Variants in MAMDC2 observed in about 807,000 individuals in gnomAD.
The protein encoded by MAMDC2 is MAM domain-containing protein 2.
MAMDC2 carries 57 observed loss-of-function variants against 89.8 expected under a neutral mutation model. The ratio of observed to expected loss-of-function variants is 0.63; its 90% CI spans 0.51 to 0.79. MAMDC2 has a LOEUF of 0.79. Ranked by LOEUF, MAMDC2 falls within the 30% of genes least tolerant of loss-of-function variation. The probability of loss-of-function intolerance (pLI) is 0.00; values close to 1 mark genes in which losing one functional copy is unlikely to be tolerated. For missense variants in MAMDC2, 800 were observed against 820.6 expected, an observed-to-expected ratio of 0.97 and a Z score of 0.31; for synonymous variants, 313 against 293.4, an observed-to-expected ratio of 1.07 and a Z score of -0.68.
At chr9:70,221,408 G>GAGAGAGAGAGAGAGAGAGAGAGAGAGAGA (rs2033563067) in intron 12 of MAMDC2, among the ~76,000 whole-genome samples, 1 of 110,922 alleles carries the variant, frequency 9.0e-6, no homozygotes, top group East Asian at 2.5e-4. Flanking sequence ...GAGAGAGAGA[G>GAGAGAGAGAGAGAGAGAGAGAGAGAGAGA]TAACATCAGA....
At chr9:70,103,986 TA>T (rs111553707) in intron 2 of MAMDC2, among the ~76,000 whole-genome samples, 9,793 of 140,944 alleles carry the variant, frequency 0.069, 932 homozygotes, top group African/African-American at 0.22. Flanking sequence ...CGTCTCCATT[TA>T]AAAAAAAAAA....
Position 70,086,302 on chromosome 9 carries a change from A to G in MAMDC2, c.149-21909A>G, listed in dbSNP as rs929230856. On this transcript the variant is annotated intron_variant, in intron 2 of 13. Coordinates refer to ENST00000377182, the MANE Select transcript of MAMDC2 (RefSeq NM_153267.5). ...ATCCTCCCATCCGATTTCCACTACA[A>G]TGTGTATGTTGTCTTTATAAAGAAA... 3.0e-4 allele frequency: 45 copies of G among 152,236 alleles called. 1 individual carries two copies. Among genetic ancestry groups the G allele is most frequent in the African/African-American group, 1.1e-3 (45 of 41,566 alleles). The allele number at this position is 152,236 out of a possible 1,614,324, so 9.4% of individuals were successfully genotyped here.
intron 13 of MAMDC2, 62 bp from the exon 14 acceptor site, chr9:70,225,906 T>A: frequency 6.8e-7 from 1 of 1,464,514 alleles, no homozygotes; most frequent in Non-Finnish European, 9.4e-7. Context: ...ACTACAAGAA[T>A]ACAAATTAAA....
chr9:70,054,398 T>C (rs950872881), intron 2 of MAMDC2, among the ~76,000 whole-genome samples: 24 of 151,740 alleles, frequency 1.6e-4, no homozygotes, highest in Admixed American at 1.5e-3. Flanking sequence ...AAGTGGAAGA[T>C]TGTAGAAGCA....
chr9:70,054,721 G>A (rs576539788), intron 2 of MAMDC2, among the ~76,000 whole-genome samples: 2 of 152,192 alleles, frequency 1.3e-5, no homozygotes, highest in East Asian at 3.9e-4. Context: ...GTTCCACTTT[G>A]ATGATTCAGA....
At chr9:70,150,195 T>C (rs2031540781) in intron 9 of MAMDC2, among the ~76,000 whole-genome samples, 1 of 152,242 alleles carries the variant, frequency 6.6e-6, no homozygotes, top group African/African-American at 2.4e-5. Context: ...ATGTGGTTTC[T>C]GTCCACAGAG....
At chr9:70,066,061 T>A (rs955495983) in intron 2 of MAMDC2, among the ~76,000 whole-genome samples, 2 of 152,178 alleles carry the variant, frequency 1.3e-5, no homozygotes, top group Admixed American at 1.3e-4. Context: ...AACATGACAT[T>A]CACAAACACA....
chr9:70,216,013 T>C (rs1027354930), intron 11 of MAMDC2, among the ~76,000 whole-genome samples: 1 of 152,228 alleles, frequency 6.6e-6, no homozygotes, highest in Admixed American at 6.5e-5. Flanking sequence ...TCGATTGCCA[T>C]ATTTTTGGAA....
chr9:70,200,890 G>A (rs1452401511), intron 11 of MAMDC2, among the ~76,000 whole-genome samples: 1 of 119,824 alleles, frequency 8.3e-6, no homozygotes, highest in African/African-American at 3.3e-5. Flanking sequence ...TGTGATTTTT[G>A]TACATTGATT....
intron 9 of MAMDC2, among the ~76,000 whole-genome samples, chr9:70,145,203 A>G (rs2031362099): frequency 6.6e-6 from 1 of 152,188 alleles, no homozygotes; most frequent in Admixed American, 6.5e-5. Flanking sequence ...AGTATTCCTT[A>G]CGTGATTTTA....
At chr9:70,135,097 A>C (rs2030954920) in intron 7 of MAMDC2, among the ~76,000 whole-genome samples, 1 of 152,216 alleles carries the variant, frequency 6.6e-6, no homozygotes, top group African/African-American at 2.4e-5. Flanking sequence ...TTATCTTCAA[A>C]GCTTCTCATT....
chr9:70,066,047 G>A (rs1827254859), intron 2 of MAMDC2, among the ~76,000 whole-genome samples: 1 of 152,160 alleles, frequency 6.6e-6, no homozygotes, highest in African/African-American at 2.4e-5. Context: ...TTCTGGTAAG[G>A]GGAAACATGA....
intron 11 of MAMDC2, chr9:70,175,985 TAC>T (rs1376920268): frequency 3.9e-5 from 6 of 152,316 alleles, no homozygotes; most frequent in Non-Finnish European, 8.8e-5. Context: ...TATCTCCAAA[TAC>T]AGTCACATTC....
chr9:70,190,062 G>T (rs951056699), intron 11 of MAMDC2, among the ~76,000 whole-genome samples: 2 of 152,056 alleles, frequency 1.3e-5, no homozygotes, highest in African/African-American at 4.8e-5. Flanking sequence ...TAAAGTCTTT[G>T]TATAGTAAGT....
intron 4 of MAMDC2, 108 bp downstream of exon 4, chr9:70,109,912 C>T (rs1828461291): frequency 1.2e-6 from 1 of 857,122 alleles, no homozygotes; most frequent in Non-Finnish European, 2.0e-6. Flanking sequence ...TTATAGAATG[C>T]ACTGCATAAT....
At chr9:70,192,821 A>C (rs2032908108) in intron 11 of MAMDC2, among the ~76,000 whole-genome samples, 1 of 152,142 alleles carries the variant, frequency 6.6e-6, no homozygotes, top group East Asian at 1.9e-4. Context: ...AAGTGCAGGC[A>C]AGTGGGAATT....
At chr9:70,117,106 A>G (rs1363897050) in intron 5 of MAMDC2, among the ~76,000 whole-genome samples, 3 of 152,244 alleles carry the variant, frequency 2.0e-5, no homozygotes, top group Admixed American at 6.5e-5. Context: ...AAGTCCAGTC[A>G]GAGCCTCAAC....
chr9:70,068,469 G>A (rs944882696), intron 2 of MAMDC2, among the ~76,000 whole-genome samples: 1 of 152,046 alleles, frequency 6.6e-6, no homozygotes, highest in African/African-American at 2.4e-5. Context: ...TGTAATCCCA[G>A]GACTTTGGGA....
rs1434675180 is a variant in MAMDC2, at chr9:70,143,825, G to A, written c.1404+6G>A. The stretch of plus-strand genomic sequence containing the variant: ...AGAAGCCCATGCCTACCAAGGTACA[G>A]CAGAGCCAATTTCTCCTGTGTCCAT... On this transcript the variant is annotated splice_donor_region_variant and intron_variant, in intron 9 of 13. Coordinates refer to ENST00000377182, the MANE Select transcript of MAMDC2 (RefSeq NM_153267.5). 3 of 1,611,734 alleles carry A rather than the reference G, an allele frequency of 1.9e-6. No homozygotes were observed. Among genetic ancestry groups the A allele is most frequent in the Non-Finnish European group, 1.7e-6 (2 of 1,178,474 alleles).
Sources: gnomAD v4.1 joint callset for allele counts (sites outside exome capture counted in the v4.1 genomes callset) on GRCh38, gnomAD v4.1.1 for gene constraint, MANE v1.5 for transcripts, NCBI Gene and HGNC (gene_info 2026-07-23, HGNC 2026-07-21) for gene names.